The following KLF13 variants were observed in gnomAD, a reference collection of about 807,000 sequenced individuals.
The protein encoded by KLF13 is KLF transcription factor 13.
KLF13 carries 8 observed loss-of-function variants against 16.7 expected under a neutral mutation model. That is an observed-to-expected ratio of 0.48 (90% CI 0.28 to 0.87). KLF13 has a LOEUF of 0.87. KLF13 is among the 40% of genes least tolerant of loss of function. KLF13 has a pLI of 0.10. For missense variants in KLF13, 447 were observed against 452.2 expected, an observed-to-expected ratio of 0.99 and a Z score of 0.10; for synonymous variants, 245 against 208.4, an observed-to-expected ratio of 1.18 and a Z score of -1.51.
intron 1 of KLF13, among the ~76,000 whole-genome samples, chr15:31,347,088 T>G (rs1286060052): frequency 6.6e-6 from 1 of 152,050 alleles, no homozygotes; most frequent in Non-Finnish European, 1.5e-5. Context: ...TAGGAGGATT[T>G]GAGGACCTGT....
intron 2 of KLF13, among the ~76,000 whole-genome samples, chr15:31,397,736 A>G (rs1056500522): frequency 2.0e-5 from 3 of 152,150 alleles, no homozygotes; most frequent in African/African-American, 7.2e-5. Flanking sequence ...GTTATTTTCA[A>G]CCATACCCAG....
chr15:31,327,393 C>G lies in KLF13; in HGVS notation c.181C>G (p.Leu61Val). The change falls in exon 1 of 2, where the codon CTC becomes GTC. Residue 61 changes from leucine (L) to valine (V), a missense_variant. Transcript: ENST00000307145. ...CCGCGACGGTAAGGACAGCGCCTCGCTCTTCGTGGTGGCGCGGATCCTAGC... is the reference window on the plus strand; with the variant it reads ...CCGCGACGGTAAGGACAGCGCCTCGGTCTTCGTGGTGGCGCGGATCCTAGC... The part of the protein sequence containing the change: ...ERRDGKDSAS[L>V]FVVARILADL... The G allele has an allele frequency of 7.8e-7, 1 of 1,287,254 alleles. No homozygotes were observed. 79.7% of individuals were successfully genotyped at this position (1,287,254 alleles called of 1,614,324 possible).
At chr15:31,346,127 G>A (rs1725228517) in intron 1 of KLF13, among the ~76,000 whole-genome samples, 1 of 151,986 alleles carries the variant, frequency 6.6e-6, no homozygotes, top group South Asian at 2.1e-4. Context: ...AACCCTGACG[G>A]GAACCCAGAG....
intron 1 of KLF13, among the ~76,000 whole-genome samples, chr15:31,361,790 CCTGTGA>C (rs1424053373): frequency 6.6e-6 from 1 of 152,082 alleles, no homozygotes; most frequent in African/African-American, 2.4e-5. Flanking sequence ...GCAGATCTCC[CCTGTGA>C]CTGTCAAGGC....
In KLF13 at chr15:31,423,165, GTATATATA is replaced by G. The variant is rs376911597; in HGVS notation, n.118-12202_118-12195del. 1.9e-5 allele frequency among the ~76,000 whole-genome samples: 2 copies of G among 104,440 alleles called. 1 individual carries two copies. Among genetic ancestry groups the G allele is most frequent in the Admixed American group, 1.8e-4 (2 of 11,428 alleles). The allele number at this position is 104,440 out of a possible 152,430, so 68.5% of individuals were successfully genotyped here. Reference sequence around the variant, plus strand: ...TATACGTATATATACGTATATATATGTATATATATACATATATACGTATATATATATAT... The same window carrying G: ...TATACGTATATATACGTATATATATGTACATATATACGTATATATATATAT... On this transcript the variant is annotated intron_variant and non_coding_transcript_variant, in intron 1 of 1. Coordinates refer to the KLF13 transcript ENST00000558225.
intron 1 of KLF13, among the ~76,000 whole-genome samples, chr15:31,411,595 C>T (rs985788386): frequency 6.1e-5 from 9 of 147,460 alleles, no homozygotes; most frequent in East Asian, 2.0e-4. Flanking sequence ...TTAGTAGAGA[C>T]GGGGTTTCAC....
chr15:31,386,537 A>G (rs2039798755), intron 1 of KLF13, among the ~76,000 whole-genome samples: 2 of 152,248 alleles, frequency 1.3e-5, no homozygotes, highest in Non-Finnish European at 2.9e-5. Flanking sequence ...AGGCATCTCC[A>G]CAACATAAAA....
intron 1 of KLF13, chr15:31,339,814 C>A: frequency 1.6e-6 from 1 of 629,830 alleles, no homozygotes; most frequent in Non-Finnish European, 2.9e-6. Flanking sequence ...GGATGTCCTC[C>A]CGCCCCCCGC....
At chr15:31,336,061 G>A (rs556934009) in intron 1 of KLF13, among the ~76,000 whole-genome samples, 2 of 152,336 alleles carry the variant, frequency 1.3e-5, no homozygotes, top group East Asian at 3.9e-4. Context: ...CGTGGGCTCA[G>A]AGGAGCCACG....
chr15:31,392,296 C>T (rs550644576), upstream of KLF13, among the ~76,000 whole-genome samples: 1 of 152,336 alleles, frequency 6.6e-6, no homozygotes, highest in South Asian at 2.1e-4. Flanking sequence ...CTTCTCCTCA[C>T]GTGAGCTCAT....
intron 1 of KLF13, among the ~76,000 whole-genome samples, chr15:31,415,026 A>G (rs975562563): frequency 6.6e-6 from 1 of 152,130 alleles, no homozygotes; most frequent in Non-Finnish European, 1.5e-5. Flanking sequence ...TTCTTATTCT[A>G]TGAGTTCCCA....
At chr15:31,343,817 C>T (rs748251062) in intron 1 of KLF13, among the ~76,000 whole-genome samples, 29 of 152,152 alleles carry the variant, frequency 1.9e-4, no homozygotes, top group Non-Finnish European at 4.1e-4. Context: ...GGGAAGGTCT[C>T]CTTGGAGAGG....
intron 1 of KLF13, among the ~76,000 whole-genome samples, chr15:31,329,681 C>T (rs529119652): frequency 1.9e-4 from 29 of 152,364 alleles, no homozygotes; most frequent in African/African-American, 5.3e-4. Flanking sequence ...CTCGGAGCGC[C>T]TGGAAACCGA....
At chr15:31,354,160 C>T (rs1466056720) in intron 1 of KLF13, among the ~76,000 whole-genome samples, 2 of 152,060 alleles carry the variant, frequency 1.3e-5, no homozygotes, top group African/African-American at 4.8e-5. Flanking sequence ...AGTTGACTGA[C>T]AGCAATGTCC....
At chr15:31,419,303 C>T (rs1385607919) in intron 1 of KLF13, among the ~76,000 whole-genome samples, 1 of 151,900 alleles carries the variant, frequency 6.6e-6, no homozygotes, top group Non-Finnish European at 1.5e-5. Flanking sequence ...AATAAATATC[C>T]AGGAACTGAC....
At chr15:31,422,355 G>A (rs1042265624) in intron 1 of KLF13, among the ~76,000 whole-genome samples, 11 of 152,156 alleles carry the variant, frequency 7.2e-5, no homozygotes, top group South Asian at 4.2e-4. Flanking sequence ...TTACAATCAC[G>A]GTGAAAGGCA....
At chr15:31,420,059 A>AG in intron 1 of KLF13, 1 of 346,486 alleles carries the variant, frequency 2.9e-6, no homozygotes, top group Non-Finnish European at 5.6e-6. Flanking sequence ...GAAGAAAAAA[A>AG]CCTTTTGTCA....
At chr15:31,340,116 T>G (rs1431802964) in intron 1 of KLF13, 7 of 692,918 alleles carry the variant, frequency 1.0e-5, no homozygotes, top group Non-Finnish European at 1.6e-5. Flanking sequence ...GTCTTCGTTG[T>G]AGGCCTGCAG....
chr15:31,363,577 C>T (rs1057214271), intron 1 of KLF13, among the ~76,000 whole-genome samples: 1 of 152,242 alleles, frequency 6.6e-6, no homozygotes, highest in South Asian at 2.1e-4. Flanking sequence ...ACCTCTGCCT[C>T]CCACGCTCAA....
Sources: gnomAD v4.1 joint callset for allele counts (sites outside exome capture counted in the v4.1 genomes callset) on GRCh38, gnomAD v4.1.1 for gene constraint, MANE v1.5 for transcripts, NCBI Gene and HGNC (gene_info 2026-07-23, HGNC 2026-07-21) for gene names.